The following PTPRD variants were observed in gnomAD, a reference collection of about 807,000 sequenced individuals.
PTPRD encodes the protein protein tyrosine phosphatase receptor type D.
In PTPRD, 34 loss-of-function variants were observed where a neutral mutation model predicts 214.5. The ratio of observed to expected loss-of-function variants is 0.16; its 90% confidence interval spans 0.12 to 0.21. The LOEUF (loss-of-function observed/expected upper bound fraction) is 0.21. Ranked by LOEUF, PTPRD falls within the 10% of genes least tolerant of loss-of-function variation. The pLI, the probability that PTPRD is intolerant of heterozygous loss-of-function variation, is 1.00. For missense variants in PTPRD, 2,545 were observed against 2,398.7 expected, an observed-to-expected ratio of 1.06 and a Z score of -1.27; for synonymous variants, 1,128 against 845.7, an observed-to-expected ratio of 1.33 and a Z score of -5.79.
chr9:9,522,924 A>G (rs2097022830), intron 8 of PTPRD, among the ~76,000 whole-genome samples: 1 of 152,174 alleles, frequency 6.6e-6, no homozygotes, highest in Admixed American at 6.5e-5. Context: ...TGCTTTGCAC[A>G]GAAGATTTGA....
At chr9:9,542,630 T>C (rs1261994603) in intron 8 of PTPRD, among the ~76,000 whole-genome samples, 1 of 151,542 alleles carries the variant, frequency 6.6e-6, no homozygotes. Flanking sequence ...TAAACACAAA[T>C]GACCCAATTA....
At chr9:8,889,815 A>T (rs2098523297) in intron 11 of PTPRD, among the ~76,000 whole-genome samples, 2 of 152,216 alleles carry the variant, frequency 1.3e-5, no homozygotes, top group Admixed American at 6.5e-5. Flanking sequence ...GCTGAGTAGT[A>T]TTCCATGGTG....
chr9:9,366,294 C>T (rs909246670), intron 9 of PTPRD, among the ~76,000 whole-genome samples: 15 of 151,540 alleles, frequency 9.9e-5, no homozygotes, highest in South Asian at 4.2e-4. Flanking sequence ...TGAGGATTTA[C>T]GAGACGTTTT....
chr9:9,904,393 T>C (rs1601613852), intron 5 of PTPRD, among the ~76,000 whole-genome samples: 1 of 145,868 alleles, frequency 6.9e-6, no homozygotes, highest in East Asian at 2.0e-4. Flanking sequence ...GGACTACCTC[T>C]TCTACAGTTG....
At chr9:9,264,898 GA>G (rs34152157) in intron 9 of PTPRD, among the ~76,000 whole-genome samples, 24,690 of 141,328 alleles carry the variant, frequency 0.17, 2,150 homozygotes, top group Middle Eastern at 0.28. Flanking sequence ...AGTGATGAAA[GA>G]AAAAAAAAAA....
intron 11 of PTPRD, among the ~76,000 whole-genome samples, chr9:8,816,859 C>T (rs2096930005): frequency 6.6e-6 from 1 of 152,172 alleles, no homozygotes; most frequent in African/African-American, 2.4e-5. Context: ...TAGATTCTTT[C>T]CTCACCTTCT....
chr9:10,292,209 T>C (rs570886774), intron 3 of PTPRD, among the ~76,000 whole-genome samples: 1 of 152,072 alleles, frequency 6.6e-6, no homozygotes, highest in South Asian at 2.1e-4. Context: ...AGGAGACATG[T>C]TGAATCTATT....
intron 2 of PTPRD, among the ~76,000 whole-genome samples, chr9:10,529,321 A>G (rs1399359272): frequency 6.6e-6 from 1 of 152,120 alleles, no homozygotes; most frequent in East Asian, 1.9e-4. Context: ...AACCAACCCA[A>G]TTGCCCATCA....
intron 9 of PTPRD, among the ~76,000 whole-genome samples, chr9:9,285,378 G>C (rs1232106024): frequency 6.6e-6 from 1 of 151,666 alleles, no homozygotes; most frequent in South Asian, 2.1e-4. Context: ...AGTCTATAAA[G>C]AATGATAAAG....
At chr9:9,736,489 A>T (rs949927867) in intron 6 of PTPRD, among the ~76,000 whole-genome samples, 2 of 152,078 alleles carry the variant, frequency 1.3e-5, no homozygotes, top group African/African-American at 4.8e-5. Context: ...TTACCCTACC[A>T]TAAGCATCCT....
At chr9:9,864,220 C>T (rs1436543353) in intron 5 of PTPRD, among the ~76,000 whole-genome samples, 4 of 151,980 alleles carry the variant, frequency 2.6e-5, no homozygotes, top group African/African-American at 9.7e-5. Context: ...GCAGAAGAAT[C>T]GCTTGAACCC....
chr9:8,556,000 A>T (rs72696654), intron 14 of PTPRD, among the ~76,000 whole-genome samples: 4,517 of 152,300 alleles, frequency 0.03, 194 homozygotes, highest in African/African-American at 0.094. Flanking sequence ...AGATGGATGT[A>T]AAAAATGTGT....
rs71321214 is a variant in PTPRD at position 10,018,538 on chromosome 9, C to CTTTTTTTTTTTTT, written c.-472+15167_-472+15179dup. 8.2e-4 allele frequency among the ~76,000 whole-genome samples: 58 copies of CTTTTTTTTTTTTT among 71,124 alleles called. 16 individuals are homozygous for CTTTTTTTTTTTTT. Among genetic ancestry groups the CTTTTTTTTTTTTT allele is most frequent in the Non-Finnish European group, 1.2e-3 (45 of 36,840 alleles). 46.7% of individuals were successfully genotyped at this position (71,124 alleles called of 152,430 possible). A position where few individuals can be genotyped will look rare whatever the true frequency, so the allele number is the denominator to read the frequency against. ...AATGATTTATTTAAGAATTACATTT[C>CTTTTTTTTTTTTT]TTTTTTTTTTTTTTTTTTTTTTTTT... On this transcript the variant is annotated intron_variant, in intron 4 of 45. Coordinates refer to ENST00000381196, the MANE Select transcript of PTPRD (RefSeq NM_002839.4).
intron 7 of PTPRD, among the ~76,000 whole-genome samples, chr9:9,606,187 C>T (rs571248205): frequency 2.6e-5 from 4 of 152,178 alleles, no homozygotes; most frequent in Non-Finnish European, 5.9e-5. Context: ...TGTCATTACA[C>T]TCGGTCAAAC....
intron 11 of PTPRD, among the ~76,000 whole-genome samples, chr9:8,829,281 C>G (rs529886179): frequency 6.6e-6 from 1 of 152,162 alleles, no homozygotes; most frequent in Non-Finnish European, 1.5e-5. Context: ...CTCCTCTTCC[C>G]TCACTCCCAG....
At chr9:9,870,291 A>G (rs1207026449) in intron 5 of PTPRD, among the ~76,000 whole-genome samples, 1 of 152,060 alleles carries the variant, frequency 6.6e-6, no homozygotes, top group African/African-American at 2.4e-5. Flanking sequence ...ATAATGATAG[A>G]TTTCAATATA....
chr9:9,140,104 T>C (rs2099857544), intron 10 of PTPRD, among the ~76,000 whole-genome samples: 1 of 150,630 alleles, frequency 6.6e-6, no homozygotes, highest in African/African-American at 2.4e-5. Flanking sequence ...TGAAGAAGAG[T>C]CTAACATTTC....
At position 9,447,908 on chromosome 9, in the gene PTPRD, C is replaced by T. The variant is rs141824384; in HGVS notation, c.-236-50426G>A. Among the ~76,000 whole-genome samples the T allele has an allele frequency of 3.1e-3, 467 of 152,144 alleles. 2 individuals carry two copies. The highest frequency in any genetic ancestry group is 4.8e-3 in the Non-Finnish European group (323 of 67,998). The stretch of plus-strand genomic sequence containing the variant: ...CCGTTGGGCCAGATTAAAGAAATGA[C>T]TGAGTGATGAAAGATCAAGGAGATG... On this transcript the variant is annotated intron_variant, in intron 8 of 45. Coordinates refer to ENST00000381196, the MANE Select transcript of PTPRD (RefSeq NM_002839.4).
chr9:8,738,116 C>G (rs530113590), intron 11 of PTPRD, among the ~76,000 whole-genome samples: 1 of 152,266 alleles, frequency 6.6e-6, no homozygotes, highest in African/African-American at 2.4e-5. Flanking sequence ...TGTATATCAG[C>G]TTCTGTATAT....
Sources: gnomAD v4.1 joint callset for allele counts (sites outside exome capture counted in the v4.1 genomes callset) on GRCh38, gnomAD v4.1.1 for gene constraint, MANE v1.5 for transcripts, NCBI Gene and HGNC (gene_info 2026-07-23, HGNC 2026-07-21) for gene names.